The following APOA4 variants were observed in gnomAD, a reference collection of about 807,000 sequenced individuals.
The protein encoded by APOA4 is apolipoprotein A-IV.
In APOA4, 25 loss-of-function variants were observed where a neutral mutation model predicts 33.6. That is an observed-to-expected ratio of 0.74 (90% CI 0.54 to 1.04). The LOEUF is 1.04. APOA4 is among the 50% of genes least tolerant of loss of function. The pLI is 0.00. For missense variants in APOA4, 549 were observed against 510.4 expected, an observed-to-expected ratio of 1.08 and a Z score of -0.73; for synonymous variants, 228 against 224.0, an observed-to-expected ratio of 1.02 and a Z score of -0.16.
chr11:116,821,485 G>C lies in APOA4; in HGVS notation c.573C>G (p.Asp191Glu), dbSNP rs1371940133. Reference sequence around the variant, plus strand: ...GTCCCTTGAGCTCCTCCACGTTCTGGTCGATCTTGGCCTTGAGCTCGTCGG... The same window carrying C: ...GTCCCTTGAGCTCCTCCACGTTCTGCTCGATCTTGGCCTTGAGCTCGTCGG... ...PHADELKAKI[D>E]QNVEELKGRL... Residue 191 changes from aspartate (D) to glutamate (E), a missense_variant, in exon 3 of 3, where the codon GAC becomes GAG. By Grantham distance (45) the Asp-to-Glu change is conservative. Coordinates refer to ENST00000357780, the MANE Select transcript of APOA4 (RefSeq NM_000482.4). 6.2e-7 allele frequency: 1 copy of C among 1,613,976 alleles called. No individual in the cohort carries two copies. Among genetic ancestry groups the C allele is most frequent in the African/African-American group, 1.3e-5 (1 of 74,916 alleles).
Position 116,820,958 on chromosome 11 carries a change from G to C in APOA4, c.1100C>G (p.Thr367Ser). ...TFKEKESQDK[T>S]LSLPELEQQQ... ...TTGCTCCAGCTCAGGGAGGGAGAGA[G>C]TCTTGTCCTGGCTCTCTTTCTCCTT... Residue 367 changes from threonine to serine, a missense_variant, in exon 3 of 3, where the codon ACT becomes AGT. Coordinates refer to ENST00000357780, the MANE Select transcript of APOA4 (RefSeq NM_000482.4). 6.2e-7 allele frequency: 1 copy of C among 1,614,192 alleles called. No homozygotes were observed. Among genetic ancestry groups the C allele is most frequent in the Non-Finnish European group, 8.5e-7 (1 of 1,180,014 alleles).
Position 116,823,232 on chromosome 11 carries a change from T to C in APOA4, c.-41A>G. Reference sequence around the variant, plus strand: ...GGGCTGGAGGAGTTTCTTGCCACACTGGATCCTCCCTACAATCAGGGGAGC... The same window carrying C: ...GGGCTGGAGGAGTTTCTTGCCACACCGGATCCTCCCTACAATCAGGGGAGC... On this transcript the variant is annotated 5_prime_UTR_variant, in exon 1 of 3. Transcript: ENST00000357780. 6.2e-7 allele frequency: 1 copy of C among 1,612,510 alleles called. No homozygotes were observed.
At chr11:116,822,208 G>C (rs1941335738) in intron 2 of APOA4, among the ~76,000 whole-genome samples, 1 of 152,134 alleles carries the variant, frequency 6.6e-6, no homozygotes, top group Non-Finnish European at 1.5e-5. Flanking sequence ...CTGGGCCATA[G>C]GATCACATTG....
In APOA4 at chr11:116,821,489, ATC is replaced by A; in HGVS notation, c.567_568del (p.Lys189AsnfsTer17). ...CTTGAGCTCCTCCACGTTCTGGTCG[ATC>A]TTGGCCTTGAGCTCGTCGGCGTGGG... On this transcript the variant is annotated frameshift_variant, in exon 3 of 3. Coordinates refer to ENST00000357780, the MANE Select transcript of APOA4 (RefSeq NM_000482.4). LOFTEE classifies it high-confidence loss of function. 2 of 1,614,082 alleles carry A rather than the reference ATC, an allele frequency of 1.2e-6. No individual in the cohort carries two copies. The highest frequency in any genetic ancestry group is 1.7e-6 in the Non-Finnish European group (2 of 1,180,002).
intron 1 of APOA4, 113 bp downstream of exon 1, chr11:116,823,030 C>A: frequency 6.9e-7 from 1 of 1,452,840 alleles, no homozygotes. Flanking sequence ...ACCTCATGTC[C>A]AGCTGGGGGC....
rs1355965707 is a variant in APOA4, at chr11:116,821,539, G to A, written c.519C>T (p.Asp173=). The change falls in exon 3 of 3, where the codon GAC becomes GAT. Residue 173 remains aspartate (D), a synonymous_variant. Coordinates refer to ENST00000357780, the MANE Select transcript of APOA4 (RefSeq NM_000482.4). ...GGGGCCTCAGCGAGGCCTGCAGGCT[G>A]TCGGCGTTCTCCCGCAGCACTCTCT... ...RMERVLRENA[D]SLQASLRPHA... 1 of 1,613,012 alleles carries A rather than the reference G, an allele frequency of 6.2e-7. No individual in the cohort carries two copies. Among genetic ancestry groups the A allele is most frequent in the East Asian group, 2.2e-5 (1 of 44,880 alleles).
rs917081625 is a variant in APOA4, at chr11:116,821,224, C to T, written c.834G>A (p.Leu278=). Residue 278 remains leucine, a synonymous_variant, in exon 3 of 3, where the codon CTG becomes CTA. Coordinates refer to ENST00000357780, the MANE Select transcript of APOA4 (RefSeq NM_000482.4). The part of the protein sequence containing the change: ...APLAEDVRGN[L]RGNTEGLQKS... ...TCTGCAGCCCCTCGGTGTTGCCCCT[C>T]AGGTTGCCACGCACGTCCTCGGCCA... 8.1e-6 allele frequency: 13 copies of T among 1,613,106 alleles called. No homozygotes were observed. Among genetic ancestry groups the T allele is most frequent in the Non-Finnish European group, 3.4e-6 (4 of 1,180,046 alleles).
At chr11:116,822,929 G>A (rs1174874143) in intron 1 of APOA4, 144 bp from the exon 2 acceptor site, 1 of 1,457,498 alleles carries the variant, frequency 6.9e-7, no homozygotes, top group East Asian at 2.3e-5. Flanking sequence ...GGAAGCCACA[G>A]GGATATGTGA....
intron 1 of APOA4, 29 bp from the exon 2 acceptor site, chr11:116,822,814 G>T: frequency 6.2e-7 from 1 of 1,613,618 alleles, no homozygotes; most frequent in Non-Finnish European, 8.5e-7. Flanking sequence ...CAATTCATGA[G>T]GCCCCGTCTC....
At position 116,823,243 on chromosome 11, in the gene APOA4, T is replaced by A; in HGVS notation, c.-52A>T. 1 of 1,606,176 alleles carries A rather than the reference T, an allele frequency of 6.2e-7. No individual in the cohort carries two copies. Among genetic ancestry groups the A allele is most frequent in the Non-Finnish European group, 8.5e-7 (1 of 1,172,884 alleles). ...GTTTCTTGCCACACTGGATCCTCCC[T>A]ACAATCAGGGGAGCTGACAGAGAGG... On this transcript the variant is annotated 5_prime_UTR_variant, in exon 1 of 3. Coordinates refer to ENST00000357780, the MANE Select transcript of APOA4 (RefSeq NM_000482.4).
rs1160097485 is a variant in APOA4 at position 116,821,531 on chromosome 11, T to TGCAGGCTGTCGCTGAGGCCC, written c.526_527insGGGCCTCAGCGACAGCCTGC (p.Gln176ArgfsTer11). 6.2e-7 allele frequency: 1 copy of TGCAGGCTGTCGCTGAGGCCC among 1,613,492 alleles called. No individual in the cohort carries two copies. Among genetic ancestry groups the TGCAGGCTGTCGCTGAGGCCC allele is most frequent in the East Asian group, 2.2e-5 (1 of 44,888 alleles). ...GTCGGCGTGGGGCCTCAGCGAGGCC[T>TGCAGGCTGTCGCTGAGGCCC]GCAGGCTGTCGGCGTTCTCCCGCAG... On this transcript the variant is annotated frameshift_variant, in exon 3 of 3. Coordinates refer to ENST00000357780, the MANE Select transcript of APOA4 (RefSeq NM_000482.4). LOFTEE classifies it high-confidence loss of function.
Position 116,820,756 on chromosome 11 carries a change from C to T in APOA4, c.*111G>A. On this transcript the variant is annotated 3_prime_UTR_variant, in exon 3 of 3. Transcript: ENST00000357780. ...TATTGAGAGGTGGTCTCACCTCCCA[C>T]TGGACATGTGTCCTCAAGTTCATAC... The T allele has an allele frequency of 6.6e-7, 1 of 1,515,618 alleles. No individual in the cohort carries two copies. The highest frequency in any genetic ancestry group is 8.8e-7 in the Non-Finnish European group (1 of 1,133,994). The allele number at this position is 1,515,618 out of a possible 1,614,324, so 93.9% of individuals were successfully genotyped here. A position where few individuals can be genotyped will look rare whatever the true frequency, so the allele number is the denominator to read the frequency against.
chr11:116,822,762 C>T lies in APOA4; in HGVS notation c.73G>A (p.Asp25Asn), dbSNP rs1260305940. ...VAGARAEVSA[D>N]QVATVMWDYF... The stretch of plus-strand genomic sequence containing the variant: ...TCCCACATCACCGTGGCCACCTGGT[C>T]AGCACTGACCTCAGCCCTGGCTCCT... Residue 25 changes from aspartate to asparagine, a missense_variant, in exon 2 of 3, where the codon GAC becomes AAC. Transcript: ENST00000357780. 1 of 1,614,190 alleles carries T rather than the reference C, an allele frequency of 6.2e-7. No homozygotes were observed. Among genetic ancestry groups the T allele is most frequent in the African/African-American group, 1.3e-5 (1 of 75,064 alleles).
Position 116,823,199 on chromosome 11 carries a change from T to G in APOA4, c.-8A>C. 1 of 1,614,142 alleles carries G rather than the reference T, an allele frequency of 6.2e-7. No individual in the cohort carries two copies. The highest frequency in any genetic ancestry group is 8.5e-7 in the Non-Finnish European group (1 of 1,180,010). The stretch of plus-strand genomic sequence containing the variant: ...CACGGCCTTCAGGAACATCCTGAGC[T>G]GCTTGCTGGGCTGGAGGAGTTTCTT... On this transcript the variant is annotated 5_prime_UTR_variant, in exon 1 of 3. Coordinates refer to ENST00000357780, the MANE Select transcript of APOA4 (RefSeq NM_000482.4).
rs762303509 is a variant in APOA4, at chr11:116,821,389, C to T, written c.669G>A (p.Leu223=). Reference sequence around the variant, plus strand: ...CCTGCGTGTCCTGAGCATAGGGAGCCAGGCTGCGGCGCAGCTCCTCCACGG... The same window carrying T: ...CCTGCGTGTCCTGAGCATAGGGAGCTAGGCTGCGGCGCAGCTCCTCCACGG... ...DQTVEELRRS[L]APYAQDTQEK... Residue 223 remains leucine (L), a synonymous_variant, in exon 3 of 3, where the codon CTG becomes CTA. Coordinates refer to ENST00000357780, the MANE Select transcript of APOA4 (RefSeq NM_000482.4). 3.7e-6 allele frequency: 6 copies of T among 1,614,198 alleles called. No homozygotes were observed. Among genetic ancestry groups the T allele is most frequent in the East Asian group, 2.2e-5 (1 of 44,880 alleles).
At position 116,823,213 on chromosome 11, in the gene APOA4, G is replaced by C; in HGVS notation, c.-22C>G. ...ACATCCTGAGCTGCTTGCTGGGCTG[G>C]AGGAGTTTCTTGCCACACTGGATCC... is the stretch of plus-strand genomic sequence containing the variant. On this transcript the variant is annotated 5_prime_UTR_variant, in exon 1 of 3. Transcript: ENST00000357780. The C allele has an allele frequency of 6.2e-7, 1 of 1,614,096 alleles. No homozygotes were observed. Among genetic ancestry groups the C allele is most frequent in the Non-Finnish European group, 8.5e-7 (1 of 1,180,010 alleles).
chr11:116,822,971 C>A (rs530904339), intron 1 of APOA4, among the ~76,000 whole-genome samples, 172 bp downstream of exon 1: 87 of 152,346 alleles, frequency 5.7e-4, no homozygotes, highest in African/African-American at 2.0e-3. Context: ...AATGGGCCCA[C>A]CACTGGGACT....
chr11:116,823,091 A>G, intron 1 of APOA4, 52 bp downstream of exon 1: 3 of 1,600,794 alleles, frequency 1.9e-6, no homozygotes, highest in East Asian at 2.2e-5. Flanking sequence ...TCCATCCTGC[A>G]CTACTCAGAG....
rs1450337919 is a variant in APOA4 at position 116,821,173 on chromosome 11, G to A, written c.885C>T (p.His295=). Residue 295 remains histidine, a synonymous_variant, in exon 3 of 3, where the codon CAC becomes CAT. Transcript: ENST00000357780. The part of the protein sequence containing the change: ...LQKSLAELGG[H]LDQQVEEFRR... The stretch of plus-strand genomic sequence containing the variant: ...GGAACTCCTCCACCTGCTGGTCCAG[G>A]TGCCCACCCAGCTCTGCCAGTGACT... 3.7e-6 allele frequency: 6 copies of A among 1,613,350 alleles called. No homozygotes were observed. Among genetic ancestry groups the A allele is most frequent in the Non-Finnish European group, 2.5e-6 (3 of 1,180,042 alleles).
Sources: gnomAD v4.1 joint callset for allele counts (sites outside exome capture counted in the v4.1 genomes callset) on GRCh38, gnomAD v4.1.1 for gene constraint, MANE v1.5 for transcripts, NCBI Gene and HGNC (gene_info 2026-07-23, HGNC 2026-07-21) for gene names.